Variants in DENND4C observed in about 807,000 individuals in gnomAD.
DENND4C encodes DENN domain containing 4C.
Under a neutral mutation model 203.0 loss-of-function variants are expected in DENND4C, and 108 were observed. The ratio of observed to expected loss-of-function variants is 0.53; its 90% CI spans 0.46 to 0.62. The LOEUF (loss-of-function observed/expected upper bound fraction) is 0.62. DENND4C is among the 20% of genes least tolerant of loss of function. The pLI, the probability that DENND4C is intolerant of heterozygous loss-of-function variation, is 0.00. For synonymous variants in DENND4C, 871 were observed against 792.4 expected (o/e 1.10, Z -1.67); for missense variants, 2,481 against 2,301.2 (o/e 1.08, Z -1.60).
intron 1 of DENND4C, among the ~76,000 whole-genome samples, chr9:19,252,205 C>T (rs951724225): frequency 2.6e-5 from 4 of 152,106 alleles, no homozygotes; most frequent in African/African-American, 4.8e-5. Context: ...TGGCAGCAGG[C>T]AAATAGAGAG....
intron 23 of DENND4C, among the ~76,000 whole-genome samples, chr9:19,347,770 A>G (rs1385384144): frequency 6.6e-6 from 1 of 152,234 alleles, no homozygotes; most frequent in Non-Finnish European, 1.5e-5. Flanking sequence ...GAAGTTAATA[A>G]AAATGCCATG....
chr9:19,242,186 T>C (rs1261399462), intron 1 of DENND4C, among the ~76,000 whole-genome samples: 2 of 152,222 alleles, frequency 1.3e-5, no homozygotes, highest in Non-Finnish European at 2.9e-5. Flanking sequence ...ATGTAGCCTT[T>C]CTGGACTAGC....
intron 1 of DENND4C, among the ~76,000 whole-genome samples, chr9:19,258,822 T>A (rs555329210): frequency 2.6e-5 from 4 of 152,114 alleles, no homozygotes; most frequent in African/African-American, 9.6e-5. Context: ...GCCCAGCTAA[T>A]TTTTGTATTT....
chr9:19,253,486 G>A (rs887750241), intron 1 of DENND4C, among the ~76,000 whole-genome samples: 4 of 152,200 alleles, frequency 2.6e-5, no homozygotes, highest in African/African-American at 7.2e-5. Context: ...TTGTAGTTCT[G>A]TGACCCAGTC....
rs375485363 is a variant in DENND4C at position 19,346,958 on chromosome 9, C to G, written c.4189C>G (p.Leu1397Val). The stretch of plus-strand genomic sequence containing the variant: ...TTCTGTAGTAAATTCTTTGTCAGGG[C>G]TAAAGCTGGATAATATACTCTCAGG... ...LGSVVNSLSGLKLDNILSGPK... is the reference protein window; with the variant it reads ...LGSVVNSLSGVKLDNILSGPK... The change falls in exon 23 of 33, where the codon CTA becomes GTA. Residue 1397 changes from leucine to valine, a missense_variant. Physicochemically the swap from Leu to Val is conservative, Grantham distance 32 (BLOSUM62 1). Around this residue, in one of 3 missense-constraint regions of DENND4C, gnomAD observed 2,289 missense variants for 2,113.3 expected, o/e 1.08. Coordinates refer to ENST00000434457, the MANE Select transcript of DENND4C (RefSeq NM_001330640.2). The G allele has an allele frequency of 1.9e-6, 3 of 1,614,026 alleles. No homozygotes were observed. The highest frequency in any genetic ancestry group is 2.5e-6 in the Non-Finnish European group (3 of 1,180,030).
intron 16 of DENND4C, among the ~76,000 whole-genome samples, chr9:19,329,521 T>A (rs1818606871): frequency 6.6e-6 from 1 of 152,186 alleles, no homozygotes; most frequent in South Asian, 2.1e-4. Flanking sequence ...TGTGTATAAG[T>A]GTTAATATGG....
chr9:19,347,569 C>T (rs944579285), intron 23 of DENND4C, among the ~76,000 whole-genome samples: 1 of 152,150 alleles, frequency 6.6e-6, no homozygotes, highest in African/African-American at 2.4e-5. Context: ...ATTATTAAGA[C>T]AGTTCTGGTA....
intron 2 of DENND4C, among the ~76,000 whole-genome samples, chr9:19,284,965 G>C (rs1303206720): frequency 6.6e-6 from 1 of 152,078 alleles, no homozygotes; most frequent in Non-Finnish European, 1.5e-5. Context: ...CCCACTGCTA[G>C]ATATACTTTT....
chr9:19,283,696 C>T (rs1458059006), intron 2 of DENND4C, among the ~76,000 whole-genome samples: 6 of 146,618 alleles, frequency 4.1e-5, no homozygotes, highest in African/African-American at 1.3e-4. Flanking sequence ...ACTGCAACTC[C>T]GCGCCCCCTC....
intron 23 of DENND4C, among the ~76,000 whole-genome samples, chr9:19,347,648 G>A (rs1306471248): frequency 6.6e-6 from 1 of 152,162 alleles, no homozygotes; most frequent in African/African-American, 2.4e-5. Flanking sequence ...AACCGTATAT[G>A]TAAGGAAGTT....
chr9:19,314,997 A>T (rs540173026), intron 10 of DENND4C, among the ~76,000 whole-genome samples: 12 of 151,920 alleles, frequency 7.9e-5, no homozygotes, highest in Non-Finnish European at 1.5e-4. Context: ...CCCTGTCTCT[A>T]CTAAAATAAA....
At chr9:19,328,633 G>A (rs1031937420) in intron 16 of DENND4C, among the ~76,000 whole-genome samples, 86 of 73,504 alleles carry the variant, frequency 1.2e-3, no homozygotes, top group African/African-American at 4.2e-3. Flanking sequence ...CTATATATGT[G>A]TCTGTCTGTC....
intron 24 of DENND4C, 61 bp downstream of exon 24, chr9:19,350,940 A>G: frequency 7.0e-7 from 1 of 1,437,786 alleles, no homozygotes; most frequent in Non-Finnish European, 9.4e-7. Flanking sequence ...TTTTTTTTTT[A>G]ATTTAAGAGA....
chr9:19,366,712 G>A (rs12337950), intron 30 of DENND4C, among the ~76,000 whole-genome samples: 28,236 of 152,062 alleles, frequency 0.19, 4,578 homozygotes, highest in African/African-American at 0.44. Flanking sequence ...CTAAAAATGG[G>A]TCATAAACCT....
At chr9:19,348,928 C>A (rs1186129208) in intron 23 of DENND4C, among the ~76,000 whole-genome samples, 3 of 152,106 alleles carry the variant, frequency 2.0e-5, no homozygotes, top group Non-Finnish European at 4.4e-5. Flanking sequence ...CCTGCCTCAG[C>A]CTCCTGATTG....
rs1829132767 is a variant in DENND4C, at chr9:19,373,204, T to C, written c.*1031T>C. ...GTACCAACATAATACACCTTTCATA[T>C]TATGTATTATCTTGCTTAATGGGTT... On this transcript the variant is annotated 3_prime_UTR_variant, in exon 33 of 33. Transcript: ENST00000434457. The C allele has an allele frequency of 6.6e-6, 1 of 152,214 alleles. No homozygotes were observed. The highest frequency in any genetic ancestry group is 1.5e-5 in the Non-Finnish European group (1 of 68,036). 9.4% of individuals were successfully genotyped at this position (152,214 alleles called of 1,614,324 possible).
In DENND4C at chr9:19,300,193, C is replaced by A; in HGVS notation, c.1173C>A (p.Ala391=). The A allele has an allele frequency of 1.3e-6, 2 of 1,592,420 alleles. No homozygotes were observed. Among genetic ancestry groups the A allele is most frequent in the South Asian group, 1.1e-5 (1 of 88,058 alleles). ...TTCTCTTTTTTTTCCCTAGTGGAGC[C>A]AACTTTAGCACCTTGCTAATGAATC... ...PVSTPLPLSG[A]NFSTLLMNLG... The change falls in exon 9 of 33, where the codon GCC becomes GCA. Residue 391 remains alanine (A), a synonymous_variant. Coordinates refer to ENST00000434457, the MANE Select transcript of DENND4C (RefSeq NM_001330640.2).
chr9:19,235,850 G>T (rs1250615141), intron 1 of DENND4C, among the ~76,000 whole-genome samples: 2 of 151,822 alleles, frequency 1.3e-5, no homozygotes, highest in African/African-American at 4.8e-5. Flanking sequence ...CGCCCGCCTT[G>T]GCCTTCCAAA....
chr9:19,294,641 G>A (rs1363561980), intron 5 of DENND4C, among the ~76,000 whole-genome samples: 1 of 152,112 alleles, frequency 6.6e-6, no homozygotes, highest in Non-Finnish European at 1.5e-5. Flanking sequence ...ACCCAAACGT[G>A]CATCAACGTA....
Sources: gnomAD v4.1 joint callset for allele counts (sites outside exome capture counted in the v4.1 genomes callset) on GRCh38, gnomAD v4.1.1 for gene constraint, gnomAD v4.1.1 regional missense constraint, MANE v1.5 for transcripts, NCBI Gene and HGNC (gene_info 2026-07-23, HGNC 2026-07-21) for gene names.